ZMIZ1: variants seen among roughly 807,000 people sequenced by gnomAD.
ZMIZ1 encodes the protein zinc finger MIZ-type containing 1, also known as zinc finger MIZ domain-containing protein 1.
A neutral mutation model predicts 113.9 loss-of-function variants in ZMIZ1; 17 were observed. The ratio of observed to expected loss-of-function variants is 0.15; its 90% confidence interval spans 0.10 to 0.22. The LOEUF (loss-of-function observed/expected upper bound fraction) is 0.22. Among genes scored for constraint, ZMIZ1 ranks in the 10% least tolerant of loss-of-function variants. The pLI, the probability that ZMIZ1 is intolerant of heterozygous loss-of-function variation, is 1.00. For synonymous variants in ZMIZ1, 607 were observed against 603.1 expected (o/e 1.01, Z -0.09); for missense variants, 1,059 against 1,477.8 (o/e 0.72, Z 4.65).
chr10:79,303,832 C>T (rs1003127020), intron 18 of ZMIZ1, among the ~76,000 whole-genome samples, 183 bp from the exon 19 acceptor site: 78 of 152,366 alleles, frequency 5.1e-4, no homozygotes, highest in East Asian at 1.9e-4. Context: ...AGACAGCAGC[C>T]CGGGCACCCG....
chr10:79,260,007 C>T (rs1169286435), intron 7 of ZMIZ1, among the ~76,000 whole-genome samples: 1 of 152,222 alleles, frequency 6.6e-6, no homozygotes, highest in Non-Finnish European at 1.5e-5. Flanking sequence ...GTAAGGGTCA[C>T]GTTTCCGGTC....
intron 3 of ZMIZ1, among the ~76,000 whole-genome samples, chr10:79,148,216 C>T (rs1845571451): frequency 6.6e-6 from 1 of 152,230 alleles, no homozygotes; most frequent in African/African-American, 2.4e-5. Context: ...CATCCCTCAC[C>T]CTGCATGATC....
At chr10:79,166,940 C>T (rs774499660) in intron 4 of ZMIZ1, among the ~76,000 whole-genome samples, 1 of 152,262 alleles carries the variant, frequency 6.6e-6, no homozygotes, top group Non-Finnish European at 1.5e-5. Context: ...CCATCTGGCC[C>T]CAGCCTCCTT....
chr10:79,089,095 C>T (rs563709227), intron 1 of ZMIZ1, among the ~76,000 whole-genome samples: 2 of 152,356 alleles, frequency 1.3e-5, no homozygotes, highest in South Asian at 4.1e-4. Flanking sequence ...GTTGTCTGCC[C>T]CTGCCCCTCC....
In ZMIZ1 at chr10:79,313,072, G is replaced by A. The variant is rs902388277; in HGVS notation, c.*323G>A. On this transcript the variant is annotated 3_prime_UTR_variant, in exon 25 of 25. Transcript: ENST00000334512. ...AGGGCACACGCTGATGCGGCTTCCC[G>A]GTCCCTCCGCGTGTGCCGATTCCAG... 9 of 345,266 alleles carry A rather than the reference G, an allele frequency of 2.6e-5. No homozygotes were observed. The highest frequency in any genetic ancestry group is 5.7e-5 in the East Asian group (1 of 17,592). The allele number at this position is 345,266 out of a possible 1,614,324, so 21.4% of individuals were successfully genotyped here. A position where few individuals can be genotyped will look rare whatever the true frequency, so the allele number is the denominator to read the frequency against.
chr10:79,178,878 G>A (rs1846986424), intron 4 of ZMIZ1, among the ~76,000 whole-genome samples: 1 of 152,164 alleles, frequency 6.6e-6, no homozygotes, highest in South Asian at 2.1e-4. Context: ...CATGGGCCGT[G>A]GATCTCCCAG....
chr10:79,306,125 G>A lies in ZMIZ1; in HGVS notation c.2449G>A (p.Asp817Asn), dbSNP rs572323939. The A allele has an allele frequency of 5.3e-5, 85 of 1,613,572 alleles. No individual in the cohort carries two copies. The highest frequency in any genetic ancestry group is 5.9e-5 in the Non-Finnish European group (70 of 1,179,964). Residue 817 changes from aspartate (D) to asparagine (N), a missense_variant, in exon 22 of 25, where the codon GAT becomes AAT. By Grantham distance (23) the Asp-to-Asn change is conservative. Around this residue, in one of 6 missense-constraint regions of ZMIZ1, gnomAD observed 217 missense variants for 426.9 expected, o/e 0.51. Transcript: ENST00000334512. ...QHSEFEEVTIDPTCSWRPVPI... is the reference protein window; with the variant it reads ...QHSEFEEVTINPTCSWRPVPI... Reference sequence around the variant, plus strand: ...CTCCGAGTTTGAAGAGGTCACCATCGATCCCACGTGCAGCTGGCGGCCGGT... The same window carrying A: ...CTCCGAGTTTGAAGAGGTCACCATCAATCCCACGTGCAGCTGGCGGCCGGT...
intron 1 of ZMIZ1, among the ~76,000 whole-genome samples, chr10:79,082,907 C>T (rs1014508157): frequency 5.3e-5 from 8 of 152,314 alleles, no homozygotes; most frequent in Non-Finnish European, 1.2e-4. Flanking sequence ...CCCCAGCACT[C>T]TGGCCCTGGG....
intron 8 of ZMIZ1, chr10:79,285,591 T>C (rs1401462851): frequency 2.2e-6 from 1 of 455,944 alleles, no homozygotes; most frequent in East Asian, 6.9e-5. Context: ...CTTAACGAAA[T>C]GGACATATTC....
intron 1 of ZMIZ1, among the ~76,000 whole-genome samples, chr10:79,107,667 T>C (rs1843608814): frequency 6.6e-6 from 1 of 152,196 alleles, no homozygotes. Context: ...GAAAGGCTCC[T>C]CCGTTGATGG....
rs181500801 is a variant in ZMIZ1 at position 79,216,497 on chromosome 10, G to T, written c.280+223G>T. 664 of 402,774 alleles carry T rather than the reference G, an allele frequency of 1.6e-3. 10 individuals are homozygous for T. The highest frequency in any genetic ancestry group is 0.015 in the Middle Eastern group (45 of 3,098). 25.0% of individuals were successfully genotyped at this position (402,774 alleles called of 1,614,324 possible). ...TATACTTGCCTCAGGGGTACTGCAG[G>T]GCCAGAGAGGCTCCCGAGGCACACC... is the stretch of plus-strand genomic sequence containing the variant. On this transcript the variant is annotated intron_variant, in intron 7 of 24. Coordinates refer to ENST00000334512, the MANE Select transcript of ZMIZ1 (RefSeq NM_020338.4).
intron 4 of ZMIZ1, among the ~76,000 whole-genome samples, chr10:79,162,539 C>T (rs1002901853): frequency 1.3e-5 from 2 of 152,232 alleles, no homozygotes; most frequent in Non-Finnish European, 2.9e-5. Context: ...CCCACCCCTT[C>T]TGCCCACTCT....
At chr10:79,290,788 T>C in intron 9 of ZMIZ1, 171 bp from the exon 10 acceptor site, 1 of 797,250 alleles carries the variant, frequency 1.3e-6, no homozygotes, top group South Asian at 1.5e-5. Flanking sequence ...CCAGGCCCGC[T>C]CCTTATCACC....
At position 79,076,447 on chromosome 10, in the gene ZMIZ1, G is replaced by A. The variant is rs142918230; in HGVS notation, c.-337+7177G>A. ...GCATTCCCAGACTCCCAGATCCTCTGCAGCCAGGGGAGTGTGGAACACTCC... is the reference window on the plus strand; with the variant it reads ...GCATTCCCAGACTCCCAGATCCTCTACAGCCAGGGGAGTGTGGAACACTCC... On this transcript the variant is annotated intron_variant, in intron 1 of 24. Transcript: ENST00000334512. Among the ~76,000 whole-genome samples, 395 of 152,312 alleles carry A rather than the reference G, an allele frequency of 2.6e-3. 3 individuals are homozygous for A. The highest frequency in any genetic ancestry group is 8.7e-3 in the African/African-American group (362 of 41,554).
chr10:79,310,840 G>C, intron 23 of ZMIZ1, 84 bp from the exon 24 acceptor site: 1 of 1,460,226 alleles, frequency 6.8e-7, no homozygotes, highest in Non-Finnish European at 9.2e-7. Flanking sequence ...TTCCCTGGTT[G>C]TGTTGGGTTT....
chr10:79,267,750 GTC>G (rs959207520), intron 7 of ZMIZ1, among the ~76,000 whole-genome samples: 8 of 152,272 alleles, frequency 5.3e-5, no homozygotes, highest in African/African-American at 1.9e-4. Flanking sequence ...GAGATGGGCC[GTC>G]TCTCACTTGT....
Position 79,292,337 on chromosome 10 carries a change from A to G in ZMIZ1, c.938A>G (p.Asp313Gly). ...VAALQETQNK[D>G]INQYGPMGPT... is the part of the protein sequence containing the mutation. ...GCCCTGCAGGAGACACAGAACAAGG[A>G]TATAAACCAGTATGGACCGGTAAGG... The change falls in exon 11 of 25, where the codon GAT (aspartate) becomes GGT (glycine). Residue 313 changes from aspartate to glycine, a missense_variant. Asp to Gly is a moderately conservative substitution (Grantham distance 94, BLOSUM62 -1). This residue lies in a region of ZMIZ1 where 83 missense variants were observed against 103.7 expected (regional missense o/e 0.80). Transcript: ENST00000334512. 1.2e-6 allele frequency: 2 copies of G among 1,612,280 alleles called. No homozygotes were observed. The highest frequency in any genetic ancestry group is 1.7e-6 in the Non-Finnish European group (2 of 1,178,798).
intron 2 of ZMIZ1, 145 bp from the exon 3 acceptor site, chr10:79,139,537 C>T (rs1845172177): frequency 2.5e-6 from 1 of 396,610 alleles, no homozygotes; most frequent in Non-Finnish European, 4.4e-6. Context: ...ACAGCCAGCT[C>T]TGATAAATCA....
chr10:79,092,934 G>A (rs1479293872), intron 1 of ZMIZ1, among the ~76,000 whole-genome samples: 5 of 151,782 alleles, frequency 3.3e-5, no homozygotes, highest in African/African-American at 4.8e-5. Context: ...AGACAGTACC[G>A]GAAGCAGCAC....
Sources: allele counts gnomAD v4.1 joint callset (sites outside exome capture counted in the v4.1 genomes callset), GRCh38; gene constraint gnomAD v4.1.1; regional missense constraint gnomAD v4.1.1; transcripts MANE v1.5; gene names NCBI Gene and HGNC (gene_info 2026-07-23, HGNC 2026-07-21).